The following EBF1 variants were observed in gnomAD, a reference collection of about 807,000 sequenced individuals.
The protein encoded by EBF1 is transcription factor COE1.
Under a neutral mutation model 68.4 loss-of-function variants are expected in EBF1, and 10 were observed. The ratio of observed to expected loss-of-function variants is 0.15; its 90% CI spans 0.09 to 0.25. The LOEUF (loss-of-function observed/expected upper bound fraction) is 0.25, where lower values mean the gene tolerates loss of function less well. Among genes scored for constraint, EBF1 ranks in the 10% least tolerant of loss-of-function variants. The pLI is 1.00. For synonymous variants in EBF1, 298 were observed against 299.8 expected, an observed-to-expected ratio of 0.99 and a Z score of 0.06; for missense variants, 509 against 794.4, an observed-to-expected ratio of 0.64 and a Z score of 4.32.
rs1342190091 is a variant in EBF1, at chr5:158,731,179, A to T, written c.1037-22T>A. ...AGCGCTGCAATAAAGAAGTCACACA[A>T]TTAGTACATTTTCAAGAAATAAAGC... On this transcript the variant is annotated intron_variant, in intron 10 of 15. Transcript: ENST00000313708. 3 of 1,608,366 alleles carry T rather than the reference A, an allele frequency of 1.9e-6. No homozygotes were observed. The South Asian group carries it at 3.3e-5, about 18-fold the overall frequency.
intron 6 of EBF1, among the ~76,000 whole-genome samples, chr5:158,846,281 T>A (rs893953436): frequency 6.6e-6 from 1 of 152,138 alleles, no homozygotes; most frequent in African/African-American, 2.4e-5. Flanking sequence ...TGCCTCATGA[T>A]TAAAAGGACC....
At chr5:158,843,869 T>A (rs574001175) in intron 6 of EBF1, among the ~76,000 whole-genome samples, 32 of 152,200 alleles carry the variant, frequency 2.1e-4, no homozygotes, top group African/African-American at 6.3e-4. Flanking sequence ...CAGGCTAAGT[T>A]TATAAGGCCT....
At position 159,066,447 on chromosome 5, in the gene EBF1, T is replaced by C. The variant is rs538625589; in HGVS notation, c.554+6949A>G. Among the ~76,000 whole-genome samples, 16 of 152,248 alleles carry C rather than the reference T, an allele frequency of 1.1e-4. No homozygotes were observed. The East Asian group carries it at 1.7e-3, about 17-fold the overall frequency. On this transcript the variant is annotated intron_variant, in intron 6 of 15. Transcript: ENST00000313708. ...CAAAGCACACAGAAGACCACTCTGTTCCCACCGAAAGTGGAGTACACATTT... is the reference window on the plus strand; with the variant it reads ...CAAAGCACACAGAAGACCACTCTGTCCCCACCGAAAGTGGAGTACACATTT...
chr5:158,945,728 G>A (rs1344552026), intron 6 of EBF1, among the ~76,000 whole-genome samples: 1 of 152,158 alleles, frequency 6.6e-6, no homozygotes. Flanking sequence ...TGCCTTGCTA[G>A]GTTGGGTAAG....
chr5:159,096,632 A>C, intron 2 of EBF1: 1 of 622,246 alleles, frequency 1.6e-6, no homozygotes, highest in South Asian at 1.9e-5. Flanking sequence ...CACACAGGCT[A>C]TCCTCTTTCC....
chr5:158,790,902 C>G (rs56329327), intron 9 of EBF1, among the ~76,000 whole-genome samples: 3,741 of 152,222 alleles, frequency 0.025, 156 homozygotes, highest in African/African-American at 0.086. Context: ...AAATCAACAT[C>G]ACATCTGTGT....
chr5:158,983,897 A>AGTGTGTGTGTGTGTGTGTGTGTGTGT (rs56099364), intron 6 of EBF1: 3 of 140,074 alleles, frequency 2.1e-5, no homozygotes, highest in East Asian at 2.1e-4. Context: ...CAACTGTAAG[A>AGTGTGTGTGTGTGTGTGTGTGTGTGT]GTGTGTGTGT....
intron 6 of EBF1, among the ~76,000 whole-genome samples, chr5:158,979,724 T>C (rs1757525174): frequency 6.6e-6 from 1 of 152,228 alleles, no homozygotes; most frequent in South Asian, 2.1e-4. Context: ...CAACTTTTTT[T>C]TTCTTTTTCT....
chr5:159,031,509 G>A (rs1768862914), intron 6 of EBF1, among the ~76,000 whole-genome samples: 1 of 152,164 alleles, frequency 6.6e-6, no homozygotes, highest in Non-Finnish European at 1.5e-5. Context: ...AGTCCCAAAT[G>A]TTTCCTGTGC....
At chr5:159,006,584 T>A (rs1477171904) in intron 6 of EBF1, among the ~76,000 whole-genome samples, 1 of 137,574 alleles carries the variant, frequency 7.3e-6, no homozygotes, top group East Asian at 2.1e-4. Flanking sequence ...AATCCCATCT[T>A]TGACACCACC....
intron 13 of EBF1, 48 bp from the exon 14 acceptor site, chr5:158,712,381 G>T: frequency 6.3e-7 from 1 of 1,596,908 alleles, no homozygotes; most frequent in Non-Finnish European, 8.6e-7. Flanking sequence ...TTCAGATGGT[G>T]GCAATCCTGG....
At position 158,706,235 on chromosome 5, in the gene EBF1, C is replaced by T. The variant is rs114246103; in HGVS notation, c.1744+1744G>A. On this transcript the variant is annotated intron_variant, in intron 15 of 15. Transcript: ENST00000313708. The stretch of plus-strand genomic sequence containing the variant: ...CTTTCCTCTAAGAAGATGGATTTGC[C>T]ACTGTATGTTAGAGTGGGGAAGAGC... Among the ~76,000 whole-genome samples, 566 of 151,504 alleles carry T rather than the reference C, an allele frequency of 3.7e-3. 2 individuals carry two copies. Among genetic ancestry groups the T allele is most frequent in the African/African-American group, 0.013 (534 of 41,224 alleles).
rs1311083141 is a variant in EBF1 at position 158,698,827 on chromosome 5, A to C, written c.*284T>G. The C allele has an allele frequency of 3.1e-6, 1 of 324,088 alleles. No individual in the cohort carries two copies. The highest frequency in any genetic ancestry group is 8.4e-4 in the Middle Eastern group (1 of 1,192). The allele number at this position is 324,088 out of a possible 1,614,324, so 20.1% of individuals were successfully genotyped here. ...ATGATTGCAGAATTAAGCTTAAAAA[A>C]AAAAAAGAAAAAGAAAAAGTGGATT... On this transcript the variant is annotated 3_prime_UTR_variant, in exon 16 of 16. Transcript: ENST00000313708.
At chr5:158,775,108 C>T (rs193238542) in intron 10 of EBF1, among the ~76,000 whole-genome samples, 2 of 151,998 alleles carry the variant, frequency 1.3e-5, no homozygotes, top group African/African-American at 4.8e-5. Context: ...ACTTATTGCT[C>T]TTACCCTTAA....
In EBF1 at chr5:158,766,952, A is replaced by G. The variant is rs537080438; in HGVS notation, c.1036+10461T>C. 4.6e-5 allele frequency among the ~76,000 whole-genome samples: 7 copies of G among 152,314 alleles called. 1 individual carries two copies. In the East Asian group the frequency reaches 1.2e-3, roughly 25 times the overall value. On this transcript the variant is annotated intron_variant, in intron 10 of 15. Coordinates refer to ENST00000313708, the MANE Select transcript of EBF1 (RefSeq NM_024007.5). ...CATGTTATATCATACTAAAAAGATTAGAGGTTCAAAACTTTACAGTCTTGC... is the reference window on the plus strand; with the variant it reads ...CATGTTATATCATACTAAAAAGATTGGAGGTTCAAAACTTTACAGTCTTGC...
intron 6 of EBF1, among the ~76,000 whole-genome samples, chr5:159,023,834 G>A (rs1489778924): frequency 6.6e-6 from 1 of 152,146 alleles, no homozygotes; most frequent in East Asian, 1.9e-4. Flanking sequence ...AGACCTCATT[G>A]TGTAAATAAA....
In EBF1 at chr5:159,042,958, A is replaced by C. The variant is rs1584207106; in HGVS notation, c.554+30438T>G. Among the ~76,000 whole-genome samples, 5 of 152,324 alleles carry C rather than the reference A, an allele frequency of 3.3e-5. No individual in the cohort carries two copies. In the South Asian group the frequency reaches 1.0e-3, roughly 32 times the overall value. On this transcript the variant is annotated intron_variant, in intron 6 of 15. Coordinates refer to ENST00000313708, the MANE Select transcript of EBF1 (RefSeq NM_024007.5). ...CTTCAGGAAAGCCCTCTTAAAAAAT[A>C]TCTCTGGAAAGGATAAGGCCTGATT...
intron 11 of EBF1, among the ~76,000 whole-genome samples, chr5:158,715,133 A>G (rs2127496921): frequency 6.6e-6 from 1 of 152,362 alleles, no homozygotes; most frequent in South Asian, 2.1e-4. Flanking sequence ...TGTAAAAGGT[A>G]GGGGCTTGTC....
chr5:159,081,898 T>C (rs1043307233), intron 5 of EBF1, among the ~76,000 whole-genome samples: 2 of 152,196 alleles, frequency 1.3e-5, no homozygotes, highest in East Asian at 3.8e-4. Flanking sequence ...TGATGATTGA[T>C]ATGATAGATT....
Sources: allele counts gnomAD v4.1 joint callset (sites outside exome capture counted in the v4.1 genomes callset), GRCh38; gene constraint gnomAD v4.1.1; transcripts MANE v1.5; gene names NCBI Gene and HGNC (gene_info 2026-07-23, HGNC 2026-07-21).